ST3GAL1: variants seen among roughly 807,000 people sequenced by gnomAD.
ST3GAL1 encodes CMP-N-acetylneuraminate-beta-galactosamide-alpha-2,3-sialyltransferase 1.
A neutral mutation model predicts 34.1 loss-of-function variants in ST3GAL1; 16 were observed. The ratio of observed to expected loss-of-function variants is 0.47; its 90% CI spans 0.32 to 0.71. The LOEUF (loss-of-function observed/expected upper bound fraction) is 0.71, where lower values mean the gene tolerates loss of function less well. Among genes scored for constraint, ST3GAL1 ranks in the 30% least tolerant of loss-of-function variants. The probability of loss-of-function intolerance (pLI) is 0.04; values close to 1 mark genes in which losing one functional copy is unlikely to be tolerated. For synonymous variants in ST3GAL1, 191 were observed against 184.7 expected (o/e 1.03, Z -0.28); for missense variants, 353 against 447.4 (o/e 0.79, Z 1.90).
intron 2 of ST3GAL1, among the ~76,000 whole-genome samples, chr8:133,527,416 C>T (rs1460631470): frequency 6.6e-6 from 1 of 152,136 alleles, no homozygotes; most frequent in African/African-American, 2.4e-5. Flanking sequence ...TTGGTCCCTG[C>T]AAGTCTGAAT....
chr8:133,461,868 G>A lies in ST3GAL1; in HGVS notation c.849+7C>T. The A allele has an allele frequency of 6.2e-7, 1 of 1,613,966 alleles. No individual in the cohort carries two copies. Among genetic ancestry groups the A allele is most frequent in the Admixed American group, 1.7e-5 (1 of 60,014 alleles). ...GCAGCCCTGTGGGCAGGGGGAGGGT[G>A]GCATACCTCATCGCAGACATGCATT... On this transcript the variant is annotated splice_region_variant and intron_variant, in intron 9 of 9. Coordinates refer to ENST00000522652, the MANE Select transcript of ST3GAL1 (RefSeq NM_173344.3). The surrounding 1 kb of genome is among the most constrained non-coding windows in gnomAD (Gnocchi z 4.7).
intron 2 of ST3GAL1, among the ~76,000 whole-genome samples, chr8:133,544,466 G>A (rs962703993): frequency 1.3e-5 from 2 of 152,194 alleles, no homozygotes; most frequent in Non-Finnish European, 2.9e-5. Flanking sequence ...ACCATAACCA[G>A]GAATCACATG....
At position 133,464,850 on chromosome 8, in the gene ST3GAL1, A is replaced by G. The variant is rs1405037800; in HGVS notation, c.611T>C (p.Met204Thr). The change falls in exon 7 of 10, where the codon ATG becomes ACG. Residue 204 changes from methionine to threonine, a missense_variant. Coordinates refer to ENST00000522652, the MANE Select transcript of ST3GAL1 (RefSeq NM_173344.3). ...SFRELGDNVS[M>T]ILVPFKTIDL... is the part of the protein sequence containing the mutation. ...GATGGTCTTGAAGGGCACCAGGATC[A>G]TGCTGACATTATCTCCCAGCTCCCG... 6.2e-6 allele frequency: 10 copies of G among 1,614,004 alleles called. No individual in the cohort carries two copies. The highest frequency in any genetic ancestry group is 5.9e-6 in the Non-Finnish European group (7 of 1,179,994).
chr8:133,474,000 C>A (rs948250328), intron 5 of ST3GAL1, among the ~76,000 whole-genome samples: 1 of 152,208 alleles, frequency 6.6e-6, no homozygotes, highest in Admixed American at 6.5e-5. Flanking sequence ...GAGCCCACCC[C>A]AGGACCTGCA....
chr8:133,490,604 A>AG (rs1816756179), intron 3 of ST3GAL1, among the ~76,000 whole-genome samples: 1 of 152,148 alleles, frequency 6.6e-6, no homozygotes, highest in Non-Finnish European at 1.5e-5. Context: ...AGGAGGGCAG[A>AG]GGGGGAGGGT....
intron 2 of ST3GAL1, among the ~76,000 whole-genome samples, chr8:133,520,705 T>A (rs1049755803): frequency 6.6e-6 from 1 of 152,098 alleles, no homozygotes; most frequent in East Asian, 1.9e-4. Flanking sequence ...CTTTTCGGAG[T>A]CTATTCCAGG....
chr8:133,534,765 T>C (rs1194965089), intron 2 of ST3GAL1, among the ~76,000 whole-genome samples: 1 of 152,132 alleles, frequency 6.6e-6, no homozygotes, highest in Admixed American at 6.5e-5. Flanking sequence ...CCAGATATCA[T>C]GTCTATCAAA....
intron 2 of ST3GAL1, among the ~76,000 whole-genome samples, chr8:133,503,802 T>C (rs1256880606): frequency 6.6e-6 from 1 of 152,098 alleles, no homozygotes; most frequent in Non-Finnish European, 1.5e-5. Context: ...GAAAAAAACA[T>C]GCACTGCCCA....
At chr8:133,483,944 A>T (rs1017792611) in intron 3 of ST3GAL1, among the ~76,000 whole-genome samples, 4 of 152,126 alleles carry the variant, frequency 2.6e-5, no homozygotes, top group Non-Finnish European at 5.9e-5. Flanking sequence ...TTTCCCACAC[A>T]CTTGGAAACG....
rs1243400532 is a variant in ST3GAL1 at position 133,541,118 on chromosome 8, T to TAGAGAG, written c.-429+4655_-429+4656insCTCTCT. On this transcript the variant is annotated intron_variant, in intron 2 of 9. Transcript: ENST00000522652. ...AAACATATATATATATATATATATA[T>TAGAGAG]ATAGAGAGAGAGAGAGAGAGAGAGA... Among the ~76,000 whole-genome samples the TAGAGAG allele has an allele frequency of 7.3e-3, 381 of 52,122 alleles. 39 individuals carry two copies. Among genetic ancestry groups the TAGAGAG allele is most frequent in the African/African-American group, 8.3e-3 (84 of 10,108 alleles). The allele number at this position is 52,122 out of a possible 152,430, so 34.2% of individuals were successfully genotyped here. A position where few individuals can be genotyped will look rare whatever the true frequency, so the allele number is the denominator to read the frequency against.
At chr8:133,465,011 A>T (rs1485144533) in intron 6 of ST3GAL1, 54 bp from the exon 7 acceptor site, 4 of 1,550,512 alleles carry the variant, frequency 2.6e-6, no homozygotes, top group Non-Finnish European at 2.6e-6. Context: ...CCGTTCTCAG[A>T]CAGCCTGAGA....
At chr8:133,530,558 C>G (rs1376714027) in intron 2 of ST3GAL1, among the ~76,000 whole-genome samples, 1 of 152,184 alleles carries the variant, frequency 6.6e-6, no homozygotes, top group African/African-American at 2.4e-5. Context: ...GCTGGGATTA[C>G]AGACATGTGC....
rs1817397189 is a variant in ST3GAL1 at position 133,508,075 on chromosome 8, TGGC to T, written c.-428-8889_-428-8887del. The stretch of plus-strand genomic sequence containing the variant: ...AGAGGGACATGGGGTTACACAGGGT[TGGC>T]CTCCTTTACCTTTTCCTTCAGTTTC... On this transcript the variant is annotated intron_variant, in intron 2 of 9. Transcript: ENST00000522652. The surrounding 1 kb of genome is among the most constrained non-coding windows in gnomAD (Gnocchi z 4.1). Among the ~76,000 whole-genome samples, 1 of 152,068 alleles carries T rather than the reference TGGC, an allele frequency of 6.6e-6. No individual in the cohort carries two copies. The highest frequency in any genetic ancestry group is 2.4e-5 in the African/African-American group (1 of 41,412).
chr8:133,475,628 T>C, intron 5 of ST3GAL1, 91 bp downstream of exon 5: 1 of 1,408,768 alleles, frequency 7.1e-7, no homozygotes, highest in Non-Finnish European at 9.4e-7. Context: ...GGCCTCCCAC[T>C]CTTATCCAGA....
At position 133,558,812 on chromosome 8, in the gene ST3GAL1, G is replaced by A. The variant is rs182745281; in HGVS notation, c.-582+12881C>T. On this transcript the variant is annotated intron_variant, in intron 1 of 9. Coordinates refer to ENST00000522652, the MANE Select transcript of ST3GAL1 (RefSeq NM_173344.3). ...AGTTTAATGTATAAAATCCTATGCC[G>A]CAGGTCTTCCAATAATGCTGTTTCA... 4.0e-3 allele frequency among the ~76,000 whole-genome samples: 610 copies of A among 152,204 alleles called. 5 individuals are homozygous for A. Among genetic ancestry groups the A allele is most frequent in the Non-Finnish European group, 7.0e-3 (474 of 68,012 alleles).
chr8:133,497,013 G>A (rs555323923), intron 3 of ST3GAL1, among the ~76,000 whole-genome samples: 1 of 152,184 alleles, frequency 6.6e-6, no homozygotes, highest in Non-Finnish European at 1.5e-5. Context: ...TGCTCCCCCA[G>A]GCTGGTGCCA....
chr8:133,510,518 C>T (rs532657745), intron 2 of ST3GAL1, among the ~76,000 whole-genome samples: 37 of 152,246 alleles, frequency 2.4e-4, no homozygotes, highest in African/African-American at 8.9e-4. Context: ...AGCATTTGGA[C>T]CCTCAGACTT....
At chr8:133,542,240 A>G (rs894135282) in intron 2 of ST3GAL1, among the ~76,000 whole-genome samples, 1 of 152,212 alleles carries the variant, frequency 6.6e-6, no homozygotes, top group African/African-American at 2.4e-5. Context: ...TTCCATGGAA[A>G]GGAACCAGGG....
chr8:133,530,384 C>G (rs1473051921), intron 2 of ST3GAL1, among the ~76,000 whole-genome samples: 1 of 151,956 alleles, frequency 6.6e-6, no homozygotes, highest in African/African-American at 2.4e-5. Flanking sequence ...CAAGTACAAG[C>G]AATTCTCCTG....
Sources: allele counts gnomAD v4.1 joint callset (sites outside exome capture counted in the v4.1 genomes callset), GRCh38; gene constraint gnomAD v4.1.1; non-coding constraint Gnocchi (gnomAD v3.1); transcripts MANE v1.5; gene names NCBI Gene and HGNC (gene_info 2026-07-23, HGNC 2026-07-21).